Variants in TAF1C observed in about 807,000 individuals in gnomAD.
TAF1C encodes TATA-box binding protein associated factor, RNA polymerase I subunit C, also known as TATA box-binding protein-associated factor RNA polymerase I subunit C.
A neutral mutation model predicts 70.5 loss-of-function variants in TAF1C; 79 were observed. The observed-to-expected ratio is 1.12, with a 90% CI of 0.93 to 1.35. The LOEUF (loss-of-function observed/expected upper bound fraction) is 1.35. Ranked by LOEUF, TAF1C falls within the 40% of genes most tolerant of loss-of-function variation. The pLI is 0.00. For synonymous variants in TAF1C, 614 were observed against 491.1 expected (o/e 1.25, Z -3.31); for missense variants, 1,412 against 1,127.8 (o/e 1.25, Z -3.61).
chr16:84,181,824 C>A lies in TAF1C; in HGVS notation c.878G>T (p.Trp293Leu), dbSNP rs1201047336. Residue 293 changes from tryptophan to leucine, a missense_variant, in exon 9 of 15, where the codon TGG becomes TTG. Transcript: ENST00000566732. ...TGGCTGCCACTGTTTACCAAACTTC[C>A]ACACGGCACAGTGGTAGTCAGAGCG... ...AVRSDYHCAV[W>L]KFGKQWQPTL... is the part of the protein sequence containing the mutation. The A allele has an allele frequency of 3.7e-6, 6 of 1,614,084 alleles. No homozygotes were observed. The highest frequency in any genetic ancestry group is 4.2e-6 in the Non-Finnish European group (5 of 1,180,032).
rs765567264 is a variant in TAF1C at position 84,183,789 on chromosome 16, G to A, written c.139-11C>T. ...ATGCAGTGCCCCATTCTGAAGGGAG[G>A]ACAATCGCAAGGACAGTATCATGAT... On this transcript the variant is annotated splice_polypyrimidine_tract_variant and intron_variant, in intron 2 of 14. Transcript: ENST00000566732. The A allele has an allele frequency of 6.9e-6, 11 of 1,604,854 alleles. No individual in the cohort carries two copies. The East Asian group carries it at 9.0e-5, about 13-fold the overall frequency.
intron 1 of TAF1C, 125 bp from the exon 2 acceptor site, chr16:84,185,185 G>A (rs1415867136): frequency 1.8e-6 from 1 of 569,886 alleles, no homozygotes; most frequent in Non-Finnish European, 2.9e-6. Context: ...ACCCGTCCAG[G>A]AGAAGGGGAT....
At chr16:84,185,127 T>TG (rs2089413507) in intron 1 of TAF1C, 67 bp from the exon 2 acceptor site, 1 of 1,091,714 alleles carries the variant, frequency 9.2e-7, no homozygotes, top group Admixed American at 2.9e-5. Flanking sequence ...AAAAAACAAA[T>TG]ATGTAGCCCA....
Position 84,184,972 on chromosome 16 carries a change from G to A in TAF1C, c.17C>T (p.Ser6Phe). Residue 6 changes from serine to phenylalanine, a missense_variant, in exon 2 of 15, where the codon TCC (serine) becomes TTC (phenylalanine). By Grantham distance (155) the Ser-to-Phe change is radical. Transcript: ENST00000566732. The part of the protein sequence containing the change: MDFPS[S>F]LRPALFLTGP... ...GGTCAGAAACAATGCAGGGCGGAGG[G>A]AGCTGGGGAAGTCCATCCTGGAAAC... 6.2e-7 allele frequency: 1 copy of A among 1,613,582 alleles called. No homozygotes were observed.
chr16:84,178,338 T>G lies in TAF1C; in HGVS notation c.*603A>C, dbSNP rs919521608. ...TGAGCTCAGTGTCAGGTAGTAGCTG[T>G]GGCGGGACGCTGTCCAGCCTAAAAA... On this transcript the variant is annotated 3_prime_UTR_variant, in exon 15 of 15. Coordinates refer to ENST00000566732, the MANE Select transcript of TAF1C (RefSeq NM_001243156.2). 6.6e-6 allele frequency: 3 copies of G among 456,644 alleles called. No individual in the cohort carries two copies. The highest frequency in any genetic ancestry group is 1.3e-5 in the Non-Finnish European group (3 of 227,042). The allele number at this position is 456,644 out of a possible 1,614,324, so 28.3% of individuals were successfully genotyped here.
In TAF1C at chr16:84,179,968, C is replaced by T; in HGVS notation, c.1599G>A (p.Glu533=). 6.2e-7 allele frequency: 1 copy of T among 1,612,332 alleles called. No individual in the cohort carries two copies. ...CACCTATGGTCGGTGCTTTCAGGCG[C>T]TCCTGCAGCCGCCACTGGATCTTAG... ...LEPKIQWRLQ[E]RLKAPTIGLA... The change falls in exon 14 of 15, where the codon GAG becomes GAA. Residue 533 remains glutamate (E), a synonymous_variant. Coordinates refer to ENST00000566732, the MANE Select transcript of TAF1C (RefSeq NM_001243156.2).
At position 84,183,424 on chromosome 16, in the gene TAF1C, C is replaced by T. The variant is rs2089313553; in HGVS notation, c.304G>A (p.Asp102Asn). 3 of 1,612,954 alleles carry T rather than the reference C, an allele frequency of 1.9e-6. No individual in the cohort carries two copies. The highest frequency in any genetic ancestry group is 2.5e-6 in the Non-Finnish European group (3 of 1,179,404). ...GGCCCACTCACCTGCTCAGTCACAT[C>T]CAGCACGACTCGGGGCCGCTTCCGA... is the stretch of plus-strand genomic sequence containing the variant. Reference protein sequence around the residue: ...RYRKRPRVVLDVTEQISRFLL... With the variant: ...RYRKRPRVVLNVTEQISRFLL... The change falls in exon 4 of 15, where the codon GAT (aspartate) becomes AAT (asparagine). Residue 102 changes from aspartate (D) to asparagine (N), a missense_variant. Asp to Asn is a conservative substitution (Grantham distance 23). Coordinates refer to ENST00000566732, the MANE Select transcript of TAF1C (RefSeq NM_001243156.2).
At position 84,182,464 on chromosome 16, in the gene TAF1C, G is replaced by A; in HGVS notation, c.483-24C>T. 1 of 1,584,562 alleles carries A rather than the reference G, an allele frequency of 6.3e-7. No homozygotes were observed. The highest frequency in any genetic ancestry group is 8.6e-7 in the Non-Finnish European group (1 of 1,168,264). On this transcript the variant is annotated intron_variant, in intron 6 of 14. Transcript: ENST00000566732. This position sits in a 1 kb window ranked among gnomAD's most constrained non-coding sequence, Gnocchi z 5.0. ...ACCTGGGGACCAGAGAACAGCAGGA[G>A]GATCACTCGGTGGCACTCAGGGGAG... is the stretch of plus-strand genomic sequence containing the variant.
Position 84,182,490 on chromosome 16 carries a change from G to A in TAF1C, c.483-50C>T, listed in dbSNP as rs1396219539. On this transcript the variant is annotated intron_variant, in intron 6 of 14. Transcript: ENST00000566732. The surrounding 1 kb of genome is among the most constrained non-coding windows in gnomAD (Gnocchi z 5.0). ...GATCACTCGGTGGCACTCAGGGGAGGACAGGTCCCATCCCAAGGAGGCCAA... is the reference window on the plus strand; with the variant it reads ...GATCACTCGGTGGCACTCAGGGGAGAACAGGTCCCATCCCAAGGAGGCCAA... The A allele has an allele frequency of 6.5e-7, 1 of 1,535,114 alleles. No individual in the cohort carries two copies. The highest frequency in any genetic ancestry group is 1.9e-5 in the Admixed American group (1 of 53,548).
rs1319801777 is a variant in TAF1C, at chr16:84,182,777, C to A, written c.482+299G>T. Among the ~76,000 whole-genome samples, 3 of 152,180 alleles carry A rather than the reference C, an allele frequency of 2.0e-5. No individual in the cohort carries two copies. Among genetic ancestry groups the A allele is most frequent in the African/African-American group, 7.2e-5 (3 of 41,442 alleles). ...AAGCCATCTTGCTGCTACCTAGAGA[C>A]AGCCTGTCTAGGGAACTGTGCAGGG... is the stretch of plus-strand genomic sequence containing the variant. On this transcript the variant is annotated intron_variant, in intron 6 of 14. Coordinates refer to ENST00000566732, the MANE Select transcript of TAF1C (RefSeq NM_001243156.2). This position sits in a 1 kb window ranked among gnomAD's most constrained non-coding sequence, Gnocchi z 5.0.
intron 3 of TAF1C, 37 bp from the exon 4 acceptor site, chr16:84,183,544 C>A (rs1207144857): frequency 6.3e-7 from 1 of 1,584,004 alleles, no homozygotes. Context: ...GGGGAGGGCA[C>A]AGGAGTGCGG....
In TAF1C at chr16:84,179,391, G is replaced by T. The variant is rs1207969164; in HGVS notation, c.2082C>A (p.Arg694=). ...ESGLEDKLSE[R]LGEAWAGRGA... Reference sequence around the variant, plus strand: ...CTCGGCCTGCCCAGGCTTCCCCCAGGCGCTCACTGAGCTTGTCCTCTAGGC... The same window carrying T: ...CTCGGCCTGCCCAGGCTTCCCCCAGTCGCTCACTGAGCTTGTCCTCTAGGC... The change falls in exon 15 of 15, where the codon CGC becomes CGA. Residue 694 remains arginine, a synonymous_variant. Transcript: ENST00000566732. The T allele has an allele frequency of 2.5e-6, 4 of 1,598,508 alleles. No homozygotes were observed. The highest frequency in any genetic ancestry group is 1.7e-6 in the Non-Finnish European group (2 of 1,178,152).
In TAF1C at chr16:84,181,351, C is replaced by G; in HGVS notation, c.1141G>C (p.Gly381Arg). ...PRVLTVGDRT[G>R]VKMLDTQGPP... ...ACCTGAGTGTCCAGCATCTTCACTC[C>G]GGTGCGGTCACCCACGGTCAGCACC... Residue 381 changes from glycine (G) to arginine (R), a missense_variant, in exon 11 of 15, where the codon GGA becomes CGA. Coordinates refer to ENST00000566732, the MANE Select transcript of TAF1C (RefSeq NM_001243156.2). 1 of 1,613,722 alleles carries G rather than the reference C, an allele frequency of 6.2e-7. No individual in the cohort carries two copies. Among genetic ancestry groups the G allele is most frequent in the African/African-American group, 1.3e-5 (1 of 75,048 alleles).
Position 84,184,946 on chromosome 16 carries a change from C to G in TAF1C, c.43G>C (p.Gly15Arg). ...SSLRPALFLT[G>R]PLGLSDVPDL... is the part of the protein sequence containing the mutation. The stretch of plus-strand genomic sequence containing the variant: ...GGGACGTCGCTCAGACCAAGGGGGC[C>G]GGTCAGAAACAATGCAGGGCGGAGG... Residue 15 changes from glycine to arginine, a missense_variant, in exon 2 of 15, where the codon GGC (glycine) becomes CGC (arginine). By Grantham distance (125) the Gly-to-Arg change is moderately radical. Transcript: ENST00000566732. The G allele has an allele frequency of 6.2e-7, 1 of 1,613,776 alleles. No individual in the cohort carries two copies. The highest frequency in any genetic ancestry group is 8.5e-7 in the Non-Finnish European group (1 of 1,179,924).
chr16:84,184,316 T>G (rs992154479), intron 2 of TAF1C, among the ~76,000 whole-genome samples: 1 of 152,174 alleles, frequency 6.6e-6, no homozygotes, highest in African/African-American at 2.4e-5. Flanking sequence ...TCTGCTCCAC[T>G]GTCTCTCTTT....
Position 84,183,724 on chromosome 16 carries a change from G to A in TAF1C, c.193C>T (p.Pro65Ser), listed in dbSNP as rs746300119. 9.9e-6 allele frequency: 16 copies of A among 1,613,060 alleles called. No homozygotes were observed. The highest frequency in any genetic ancestry group is 1.3e-5 in the Non-Finnish European group (15 of 1,179,410). ...ATGAGGGGAGGCAGCATGGGGAGAG[G>A]CCCAGGGGTTGCCGGCTCCCACAGC... ...DLLWEPATPG[P>S]LPMLPPLIDP... Residue 65 changes from proline (P) to serine (S), a missense_variant, in exon 3 of 15, where the codon CCT becomes TCT. Transcript: ENST00000566732.
In TAF1C at chr16:84,179,151, C is replaced by G; in HGVS notation, c.2322G>C (p.Pro774=). The G allele has an allele frequency of 6.2e-7, 1 of 1,603,638 alleles. No homozygotes were observed. The highest frequency in any genetic ancestry group is 1.7e-4 in the Middle Eastern group (1 of 6,046). Residue 774 remains proline, a synonymous_variant, in exon 15 of 15, where the codon CCG becomes CCC. Coordinates refer to ENST00000566732, the MANE Select transcript of TAF1C (RefSeq NM_001243156.2). ...PTTPPSQELT[P]DACAQGVPSE... ...ATGGGACGCCCTGGGCGCATGCATC[C>G]GGAGTCAACTCCTGGGAGGGCGGGG...
rs1242091801 is a variant in TAF1C at position 84,182,296 on chromosome 16, C to T, written c.627G>A (p.Glu209=). Residue 209 remains glutamate (E), a synonymous_variant, in exon 7 of 15, where the codon GAG becomes GAA. Transcript: ENST00000566732. The surrounding 1 kb of genome is among the most constrained non-coding windows in gnomAD (Gnocchi z 5.0). The part of the protein sequence containing the change: ...VLRWEQLLLD[E]ACTGGALAWV... ...AGGCCAGCGCGCCCCCAGTGCAGGC[C>T]TCATCCAGAAGCAGCTGCTCCCACC... The T allele has an allele frequency of 6.2e-7, 1 of 1,612,872 alleles. No individual in the cohort carries two copies. Among genetic ancestry groups the T allele is most frequent in the Admixed American group, 1.7e-5 (1 of 60,002 alleles).
chr16:84,177,994 A>G lies in TAF1C; in HGVS notation c.*947T>C, dbSNP rs1307808691. On this transcript the variant is annotated 3_prime_UTR_variant, in exon 15 of 15. Transcript: ENST00000566732. ...AATTCCTTTCACCAGCCAACCTGAA[A>G]AAAGACCTTTCTCTTACTATGTCAT... is the stretch of plus-strand genomic sequence containing the variant. The G allele has an allele frequency of 2.8e-6, 2 of 708,250 alleles. No homozygotes were observed. The highest frequency in any genetic ancestry group is 1.8e-5 in the African/African-American group (1 of 57,036). 43.9% of individuals were successfully genotyped at this position (708,250 alleles called of 1,614,324 possible).
Sources: allele counts gnomAD v4.1 joint callset (sites outside exome capture counted in the v4.1 genomes callset), GRCh38; gene constraint gnomAD v4.1.1; non-coding constraint Gnocchi (gnomAD v3.1); transcripts MANE v1.5; gene names NCBI Gene and HGNC (gene_info 2026-07-23, HGNC 2026-07-21).